RIMKLB: variants seen among roughly 807,000 people sequenced by gnomAD.
RIMKLB encodes the protein ribosomal modification protein rimK like family member B, also known as beta-citrylglutamate synthase B.
Under a neutral mutation model 32.0 loss-of-function variants are expected in RIMKLB, and 7 were observed. The observed-to-expected ratio is 0.22, with a 90% CI of 0.12 to 0.41. RIMKLB has a LOEUF of 0.41. Among genes scored for constraint, RIMKLB ranks in the 10% least tolerant of loss-of-function variants. RIMKLB has a pLI of 1.00. For missense variants in RIMKLB, 289 were observed against 498.7 expected (o/e 0.58, Z 4.00); for synonymous variants, 172 against 185.1 (o/e 0.93, Z 0.57).
chr12:8,743,212 G>T lies in RIMKLB; in HGVS notation c.176-6650G>T, dbSNP rs1043066724. On this transcript the variant is annotated intron_variant, in intron 2 of 5. Coordinates refer to ENST00000535829, the MANE Select transcript of RIMKLB (RefSeq NM_001297776.2). Reference sequence around the variant, plus strand: ...CTACTAAAAATACAAAAATTATCCGGGTGTGGTGATGCTCGCCTGTAATCC... The same window carrying T: ...CTACTAAAAATACAAAAATTATCCGTGTGTGGTGATGCTCGCCTGTAATCC... 2.6e-5 allele frequency: 4 copies of T among 151,668 alleles called. No homozygotes were observed. The East Asian group carries it at 7.7e-4, about 29-fold the overall frequency. 9.4% of individuals were successfully genotyped at this position (151,668 alleles called of 1,614,324 possible). A position where few individuals can be genotyped will look rare whatever the true frequency, so the allele number is the denominator to read the frequency against.
intron 1 of RIMKLB, among the ~76,000 whole-genome samples, chr12:8,687,475 A>G (rs980181992): frequency 6.6e-6 from 1 of 151,880 alleles, no homozygotes; most frequent in South Asian, 2.1e-4. Flanking sequence ...GTTACAACTT[A>G]TTTTTCATAC....
intron 2 of RIMKLB, among the ~76,000 whole-genome samples, chr12:8,729,765 C>A (rs1946374440): frequency 6.6e-6 from 1 of 152,082 alleles, no homozygotes; most frequent in South Asian, 2.1e-4. Flanking sequence ...CATACCTGAC[C>A]TAATAGTCCA....
intron 2 of RIMKLB, among the ~76,000 whole-genome samples, chr12:8,748,154 G>A (rs1439589041): frequency 2.0e-5 from 3 of 152,144 alleles, no homozygotes; most frequent in African/African-American, 7.2e-5. Flanking sequence ...AATGTTGTAT[G>A]GAAGGTGAAT....
intron 2 of RIMKLB, among the ~76,000 whole-genome samples, chr12:8,747,781 A>G (rs907930785): frequency 6.6e-6 from 1 of 150,858 alleles, no homozygotes; most frequent in African/African-American, 2.5e-5. Context: ...TTTGAGACAG[A>G]GTCTCACTCT....
At chr12:8,697,920 T>A (rs1055443397), upstream of RIMKLB, 3 of 148,430 alleles carry the variant, frequency 2.0e-5, no homozygotes, top group African/African-American at 4.9e-5. Context: ...CGGGCGGCGT[T>A]CGGTCTGAGG....
At position 8,774,024 on chromosome 12, in the gene RIMKLB, A is replaced by G; in HGVS notation, c.*240A>G. The G allele has an allele frequency of 7.7e-7, 1 of 1,303,996 alleles. No homozygotes were observed. The highest frequency in any genetic ancestry group is 9.7e-7 in the Non-Finnish European group (1 of 1,028,428). The allele number at this position is 1,303,996 out of a possible 1,614,324, so 80.8% of individuals were successfully genotyped here. ...GGGTATAGAAAAATGTCAGGCTCTC[A>G]TAGTTACCCTTTTAAATTGCTAAAA... On this transcript the variant is annotated 3_prime_UTR_variant, in exon 6 of 6. Coordinates refer to ENST00000535829, the MANE Select transcript of RIMKLB (RefSeq NM_001297776.2).
At chr12:8,693,640 C>A (rs12317377), upstream of RIMKLB, among the ~76,000 whole-genome samples, 1,908 of 152,048 alleles carry the variant, frequency 0.013, 55 homozygotes, top group African/African-American at 0.043. Context: ...TTAGGTGATC[C>A]GCCCACCTCA....
intron 2 of RIMKLB, among the ~76,000 whole-genome samples, chr12:8,717,642 T>C (rs1350986844): frequency 1.3e-5 from 2 of 152,242 alleles, no homozygotes; most frequent in Non-Finnish European, 2.9e-5. Context: ...TTGTCTGTTT[T>C]GTTCATAGTA....
intron 1 of RIMKLB, among the ~76,000 whole-genome samples, chr12:8,705,067 C>A (rs1943741955): frequency 6.6e-6 from 1 of 151,864 alleles, no homozygotes; most frequent in Admixed American, 6.6e-5. Flanking sequence ...GGTATATATT[C>A]CAAGCAACAG....
Position 8,775,662 on chromosome 12 carries a change from C to T in RIMKLB, c.*1878C>T, listed in dbSNP as rs761878505. 1.6e-4 allele frequency: 155 copies of T among 985,404 alleles called. No homozygotes were observed. The highest frequency in any genetic ancestry group is 9.4e-5 in the Non-Finnish European group (78 of 829,758). The allele number at this position is 985,404 out of a possible 1,614,324, so 61.0% of individuals were successfully genotyped here. On this transcript the variant is annotated 3_prime_UTR_variant, in exon 6 of 6. Coordinates refer to ENST00000535829, the MANE Select transcript of RIMKLB (RefSeq NM_001297776.2). ...ATGCTTACTTGTACAGTTTTTCCCCCGTTTTAAAAAGGAATGTAATAAAAT... is the reference window on the plus strand; with the variant it reads ...ATGCTTACTTGTACAGTTTTTCCCCTGTTTTAAAAAGGAATGTAATAAAAT...
At chr12:8,705,942 T>C (rs956473575) in intron 1 of RIMKLB, among the ~76,000 whole-genome samples, 3 of 152,154 alleles carry the variant, frequency 2.0e-5, no homozygotes, top group African/African-American at 7.2e-5. Context: ...CCCTCCACAT[T>C]ATGGAGGGTA....
intron 1 of RIMKLB, among the ~76,000 whole-genome samples, chr12:8,709,204 CTT>C (rs1944159454): frequency 6.6e-6 from 1 of 152,136 alleles, no homozygotes; most frequent in Non-Finnish European, 1.5e-5. Context: ...ACTCTACTGT[CTT>C]TTAAAATAGT....
chr12:8,771,884 G>GTTTTGT (rs552143146), intron 5 of RIMKLB, among the ~76,000 whole-genome samples: 14 of 151,732 alleles, frequency 9.2e-5, no homozygotes, highest in African/African-American at 3.1e-4. Flanking sequence ...TTTTTGTTTT[G>GTTTTGT]TTTTGTTTTT....
intron 2 of RIMKLB, among the ~76,000 whole-genome samples, chr12:8,718,564 A>G (rs1337502131): frequency 6.6e-6 from 1 of 151,706 alleles, no homozygotes; most frequent in Non-Finnish European, 1.5e-5. Context: ...AATCGATTGA[A>G]CCCCGGAGGT....
chr12:8,726,140 G>T (rs1299028377), intron 2 of RIMKLB, among the ~76,000 whole-genome samples: 1 of 152,202 alleles, frequency 6.6e-6, no homozygotes, highest in Non-Finnish European at 1.5e-5. Flanking sequence ...GAGCCACTGT[G>T]CCCGGCCCAG....
chr12:8,718,098 A>G (rs1413711203), intron 2 of RIMKLB, among the ~76,000 whole-genome samples: 2 of 152,128 alleles, frequency 1.3e-5, no homozygotes, highest in Non-Finnish European at 2.9e-5. Context: ...TTTCACAACT[A>G]TCCCACTGTA....
At chr12:8,722,281 C>T (rs2137110166) in intron 2 of RIMKLB, among the ~76,000 whole-genome samples, 1 of 151,250 alleles carries the variant, frequency 6.6e-6, no homozygotes, top group South Asian at 2.1e-4. Flanking sequence ...GTGTTAGCAG[C>T]TATGAAAATA....
At chr12:8,692,125 C>T (rs1233735299) in intron 1 of RIMKLB, among the ~76,000 whole-genome samples, 1 of 151,718 alleles carries the variant, frequency 6.6e-6, no homozygotes, top group Non-Finnish European at 1.5e-5. Context: ...GGTTGTTATA[C>T]TTCTAAGATC....
intron 2 of RIMKLB, among the ~76,000 whole-genome samples, chr12:8,719,842 T>G (rs1341727569): frequency 1.3e-5 from 2 of 152,224 alleles, no homozygotes; most frequent in East Asian, 1.9e-4. Flanking sequence ...TAAAGGACAA[T>G]GTACAAGGTT....
Sources: gnomAD v4.1 joint callset for allele counts (sites outside exome capture counted in the v4.1 genomes callset) on GRCh38, gnomAD v4.1.1 for gene constraint, MANE v1.5 for transcripts, NCBI Gene and HGNC (gene_info 2026-07-23, HGNC 2026-07-21) for gene names.